Variants in FGF12 observed in about 807,000 individuals in gnomAD.
FGF12 encodes fibroblast growth factor 12, also known as fibroblast growth factor 12B.
A neutral mutation model predicts 23.6 loss-of-function variants in FGF12; 14 were observed. The observed-to-expected ratio is 0.59, with a 90% CI of 0.39 to 0.93. The LOEUF is 0.93. Among genes scored for constraint, FGF12 ranks in the 40% least tolerant of loss-of-function variants. The pLI is 0.00. For synonymous variants in FGF12, 62 were observed against 77.3 expected, an observed-to-expected ratio of 0.80 and a Z score of 1.04; for missense variants, 175 against 217.8, an observed-to-expected ratio of 0.80 and a Z score of 1.24.
intron 2 of FGF12, among the ~76,000 whole-genome samples, chr3:192,620,660 T>C (rs1157844618): frequency 6.6e-6 from 1 of 152,164 alleles, no homozygotes; most frequent in African/African-American, 2.4e-5. Context: ...CTAGACTCAC[T>C]CTTATTTTCT....
intron 2 of FGF12, among the ~76,000 whole-genome samples, chr3:192,575,099 C>T (rs1354351463): frequency 6.6e-6 from 1 of 152,122 alleles, no homozygotes; most frequent in Admixed American, 6.5e-5. Flanking sequence ...GCTTTAAAAT[C>T]TCAAATAATT....
At chr3:192,396,088 G>A (rs7626973) in intron 2 of FGF12, among the ~76,000 whole-genome samples, 2,843 of 152,202 alleles carry the variant, frequency 0.019, 92 homozygotes, top group African/African-American at 0.065. Context: ...GAGCCCACAC[G>A]TGTATTTTTA....
At chr3:192,567,432 A>G (rs1261553754) in intron 2 of FGF12, among the ~76,000 whole-genome samples, 2 of 152,196 alleles carry the variant, frequency 1.3e-5, no homozygotes, top group Non-Finnish European at 2.9e-5. Flanking sequence ...CTTAGAGATT[A>G]TTATAGAAAG....
At chr3:192,609,298 T>C (rs1285901760) in intron 2 of FGF12, among the ~76,000 whole-genome samples, 1 of 152,050 alleles carries the variant, frequency 6.6e-6, no homozygotes. Flanking sequence ...AAGCCAATCA[T>C]AAACGGGGGG....
chr3:192,211,018 T>C (rs1029244744), intron 4 of FGF12, among the ~76,000 whole-genome samples: 2 of 152,116 alleles, frequency 1.3e-5, no homozygotes, highest in African/African-American at 2.4e-5. Context: ...AGGTATGACA[T>C]AATGTCTCAT....
chr3:192,715,682 T>C (rs1718844695), intron 2 of FGF12, among the ~76,000 whole-genome samples: 1 of 152,258 alleles, frequency 6.6e-6, no homozygotes, highest in South Asian at 2.1e-4. Context: ...GACAATGTGA[T>C]GGTAAAAGTA....
intron 4 of FGF12, among the ~76,000 whole-genome samples, chr3:192,219,697 G>A (rs1718376319): frequency 6.6e-6 from 1 of 152,152 alleles, no homozygotes; most frequent in Admixed American, 6.5e-5. Context: ...AGAAATTCTG[G>A]GGTGAGACTC....
At chr3:192,344,368 A>T (rs775925975) in intron 3 of FGF12, among the ~76,000 whole-genome samples, 2 of 152,192 alleles carry the variant, frequency 1.3e-5, no homozygotes, top group Non-Finnish European at 2.9e-5. Flanking sequence ...GGGAGAAAAA[A>T]AAAAGCATGT....
chr3:192,274,517 T>C (rs1713653250), intron 4 of FGF12, among the ~76,000 whole-genome samples: 1 of 152,046 alleles, frequency 6.6e-6, no homozygotes, highest in Admixed American at 6.6e-5. Context: ...GAAAAACTAT[T>C]TGGTGTAAAC....
At chr3:192,640,077 G>A (rs13066739) in intron 2 of FGF12, among the ~76,000 whole-genome samples, 3,512 of 152,232 alleles carry the variant, frequency 0.023, 49 homozygotes, top group Middle Eastern at 0.065. Flanking sequence ...GGATGGGAAT[G>A]GGGGAAGGAA....
chr3:192,523,263 A>G (rs1471404057), intron 2 of FGF12, among the ~76,000 whole-genome samples: 3 of 152,206 alleles, frequency 2.0e-5, no homozygotes, highest in Admixed American at 2.0e-4. Context: ...TAACAGTAGA[A>G]TGTTGGTACC....
At chr3:192,284,491 T>C (rs1714332306) in intron 4 of FGF12, among the ~76,000 whole-genome samples, 1 of 152,026 alleles carries the variant, frequency 6.6e-6, no homozygotes, top group African/African-American at 2.4e-5. Context: ...CCCAATGATA[T>C]GAGACTCTAG....
chr3:192,407,763 C>T (rs1054992447), intron 2 of FGF12, among the ~76,000 whole-genome samples: 1 of 151,958 alleles, frequency 6.6e-6, no homozygotes, highest in Non-Finnish European at 1.5e-5. Context: ...ACTCTACAGG[C>T]TCTTTTGGAA....
intron 5 of FGF12, among the ~76,000 whole-genome samples, chr3:192,147,849 T>A (rs1713811515): frequency 6.6e-6 from 1 of 152,232 alleles, no homozygotes; most frequent in Admixed American, 6.5e-5. Context: ...TATGTCTGTA[T>A]GTTAATCAAG....
intron 5 of FGF12, among the ~76,000 whole-genome samples, chr3:192,163,093 G>T (rs1008218651): frequency 2.0e-5 from 3 of 152,136 alleles, no homozygotes; most frequent in African/African-American, 7.2e-5. Context: ...GACTGAGGTA[G>T]AAGGAGATAA....
intron 4 of FGF12, among the ~76,000 whole-genome samples, chr3:192,214,577 T>G (rs564787071): frequency 1.9e-3 from 284 of 152,340 alleles, no homozygotes; most frequent in Non-Finnish European, 3.3e-3. Context: ...GGCTTCCAGA[T>G]CAGTCACATT....
At chr3:192,407,787 A>G (rs898759988) in intron 2 of FGF12, among the ~76,000 whole-genome samples, 2 of 152,224 alleles carry the variant, frequency 1.3e-5, no homozygotes, top group African/African-American at 4.8e-5. Flanking sequence ...GTGCATCTAT[A>G]CATGTAATTC....
chr3:192,665,667 A>G (rs1716843058), intron 2 of FGF12, among the ~76,000 whole-genome samples: 1 of 152,132 alleles, frequency 6.6e-6, no homozygotes, highest in African/African-American at 2.4e-5. Context: ...CAGGGCTTAA[A>G]ACCTAGATGA....
chr3:192,262,695 C>T (rs776267414), intron 4 of FGF12, among the ~76,000 whole-genome samples: 4 of 152,058 alleles, frequency 2.6e-5, no homozygotes, highest in South Asian at 2.1e-4. Context: ...GGTTTACCTA[C>T]GTATACTCCA....
Sources: gnomAD v4.1 joint callset for allele counts (sites outside exome capture counted in the v4.1 genomes callset) on GRCh38, gnomAD v4.1.1 for gene constraint, MANE v1.5 for transcripts, NCBI Gene and HGNC (gene_info 2026-07-23, HGNC 2026-07-21) for gene names.